The following TEX11 variants were observed in gnomAD, a reference collection of about 807,000 sequenced individuals.
TEX11 encodes the protein testis expressed 11.
Under a neutral mutation model 84.4 loss-of-function variants are expected in TEX11, and 7 were observed. The ratio of observed to expected loss-of-function variants is 0.08; its 90% CI spans 0.05 to 0.16. TEX11 has a LOEUF of 0.16. Ranked by LOEUF, TEX11 falls within the 10% of genes least tolerant of loss-of-function variation. The pLI is 1.00. For missense variants in TEX11, 551 were observed against 660.5 expected (o/e 0.83, Z 1.82); for synonymous variants, 264 against 222.8 (o/e 1.18, Z -1.64).
intron 25 of TEX11, among the ~76,000 whole-genome samples, chrX:70,566,065 C>G (rs1468515830): frequency 8.3e-5 from 9 of 108,609 alleles, no homozygotes; most frequent in African/African-American, 3.1e-4. Context: ...TTGTTTGTAT[C>G]CTCTTTTATT....
At chrX:70,558,218 G>GGA (rs1384652595) in intron 25 of TEX11, among the ~76,000 whole-genome samples, 1 of 105,334 alleles carries the variant, frequency 9.5e-6, no homozygotes, top group African/African-American at 3.9e-5. Flanking sequence ...ACTGACATAA[G>GGA]GATATATATA....
At chrX:70,667,045 G>A (rs181512415) in intron 16 of TEX11, among the ~76,000 whole-genome samples, 44 of 112,367 alleles carry the variant, frequency 3.9e-4, no homozygotes, top group African/African-American at 1.4e-3. Context: ...CATATTTTTT[G>A]TACAGTTCAT....
chrX:70,818,948 T>C (rs1391629907), intron 8 of TEX11, among the ~76,000 whole-genome samples: 1 of 111,541 alleles, frequency 9.0e-6, no homozygotes, highest in Non-Finnish European at 1.9e-5. Flanking sequence ...AATCAATAAT[T>C]TTAAAATGCC....
At chrX:70,679,580 T>C (rs1182601668) in intron 14 of TEX11, among the ~76,000 whole-genome samples, 2 of 101,907 alleles carry the variant, frequency 2.0e-5, no homozygotes, top group African/African-American at 3.6e-5. Context: ...GGAGACCCTC[T>C]GCCTGGCAAC....
At chrX:70,639,300 G>A in intron 17 of TEX11, among the ~76,000 whole-genome samples, 1 of 111,924 alleles carries the variant, frequency 8.9e-6, no homozygotes, top group East Asian at 2.8e-4. Flanking sequence ...TGCTAGCACA[G>A]CAGTCTGAGA....
At chrX:70,716,657 G>A (rs1012725003) in intron 13 of TEX11, among the ~76,000 whole-genome samples, 1 of 112,173 alleles carries the variant, frequency 8.9e-6, no homozygotes, top group African/African-American at 3.2e-5. Context: ...TATTATGGTG[G>A]GAGTGACCAA....
chrX:70,644,728 C>G (rs2089717175), intron 17 of TEX11, among the ~76,000 whole-genome samples: 1 of 80,317 alleles, frequency 1.2e-5, no homozygotes, highest in Non-Finnish European at 2.3e-5. Flanking sequence ...ACAATGAGAT[C>G]ACATGGACAC....
intron 9 of TEX11, among the ~76,000 whole-genome samples, chrX:70,751,055 T>C (rs1445597866): frequency 2.0e-5 from 2 of 100,477 alleles, no homozygotes; most frequent in Admixed American, 1.1e-4. Flanking sequence ...AGTTCAACCA[T>C]TGTGGAAGAC....
In TEX11 at chrX:70,729,450, A is replaced by G. The variant is rs747859633; in HGVS notation, c.844-4107T>C. ...AATGGCTAACTAGAATAACCAATAC[A>G]GAGAAGTCCTTAAAGGACCTGATGG... is the stretch of plus-strand genomic sequence containing the variant. On this transcript the variant is annotated intron_variant, in intron 11 of 29. Transcript: ENST00000374333. Among the ~76,000 whole-genome samples the G allele has an allele frequency of 7.5e-4, 84 of 111,953 alleles. 1 individual carries two copies. The South Asian group carries it at 0.03, about 40-fold the overall frequency.
At chrX:70,549,537 C>T (rs974646853) in intron 28 of TEX11, among the ~76,000 whole-genome samples, 1 of 111,380 alleles carries the variant, frequency 9.0e-6, no homozygotes, top group Non-Finnish European at 1.9e-5. Context: ...GAGGAGCCCA[C>T]TTCTCTGAAG....
At chrX:70,872,980 CCTGA>C (rs1215128610) in intron 4 of TEX11, among the ~76,000 whole-genome samples, 98 of 111,060 alleles carry the variant, frequency 8.8e-4, no homozygotes, top group African/African-American at 3.0e-3. Flanking sequence ...TTGTTCACCT[CCTGA>C]CTATTTCTTG....
chrX:70,539,826 T>A (rs2088017607), intron 28 of TEX11, among the ~76,000 whole-genome samples: 1 of 111,756 alleles, frequency 8.9e-6, no homozygotes, highest in East Asian at 2.8e-4. Flanking sequence ...CTGGGTTTTC[T>A]TTTTGCTTCA....
intron 14 of TEX11, among the ~76,000 whole-genome samples, chrX:70,679,267 G>A (rs1300414582): frequency 9.0e-6 from 1 of 111,591 alleles, no homozygotes; most frequent in Non-Finnish European, 1.9e-5. Context: ...CTGGAGTGCA[G>A]TGGCGTGATC....
At chrX:70,733,177 T>G (rs1460209588) in intron 11 of TEX11, among the ~76,000 whole-genome samples, 5 of 111,956 alleles carry the variant, frequency 4.5e-5, no homozygotes, top group African/African-American at 1.6e-4. Flanking sequence ...ACTTAAATGT[T>G]AGACCTAAAA....
At chrX:70,875,154 C>A (rs761461825) in intron 3 of TEX11, among the ~76,000 whole-genome samples, 5 of 107,908 alleles carry the variant, frequency 4.6e-5, no homozygotes, top group Non-Finnish European at 7.7e-5. Flanking sequence ...CCAGCCTGGG[C>A]GAGACAGAGC....
At chrX:70,709,772 G>A (rs4844252) in intron 13 of TEX11, among the ~76,000 whole-genome samples, 8,567 of 110,605 alleles carry the variant, frequency 0.077, 417 homozygotes, top group Admixed American at 0.24. Context: ...CAGGAAAGCT[G>A]GGAATAAAAT....
At chrX:70,759,099 G>A (rs2090889923) in intron 9 of TEX11, among the ~76,000 whole-genome samples, 1 of 111,382 alleles carries the variant, frequency 9.0e-6, no homozygotes. Flanking sequence ...ACCAATAACA[G>A]GTTCCAAAAT....
At chrX:70,637,374 C>T (rs2089588061) in intron 17 of TEX11, among the ~76,000 whole-genome samples, 2 of 112,609 alleles carry the variant, frequency 1.8e-5, no homozygotes, top group African/African-American at 6.5e-5. Flanking sequence ...CGAAGACCTA[C>T]AGGCAGAAAT....
At chrX:70,719,671 C>T (rs1271228118) in intron 13 of TEX11, among the ~76,000 whole-genome samples, 2 of 111,759 alleles carry the variant, frequency 1.8e-5, no homozygotes. Flanking sequence ...AACAAATTTA[C>T]AAGAAAAAAC....
Sources: gnomAD v4.1 joint callset for allele counts (sites outside exome capture counted in the v4.1 genomes callset) on GRCh38, gnomAD v4.1.1 for gene constraint, MANE v1.5 for transcripts, NCBI Gene and HGNC (gene_info 2026-07-23, HGNC 2026-07-21) for gene names.